DNAAF10: variants seen among roughly 807,000 people sequenced by gnomAD.
The protein encoded by DNAAF10 is dynein axonemal assembly factor 10, also known as WD repeat domain 92.
In DNAAF10, 28 loss-of-function variants were observed where a neutral mutation model predicts 43.7. That is an observed-to-expected ratio of 0.64 (90% CI 0.48 to 0.88). The LOEUF (loss-of-function observed/expected upper bound fraction) is 0.88. Among genes scored for constraint, DNAAF10 ranks in the 40% least tolerant of loss-of-function variants. The pLI is 0.00. For synonymous variants in DNAAF10, 156 were observed against 157.3 expected (o/e 0.99, Z 0.06); for missense variants, 403 against 439.1 (o/e 0.92, Z 0.73).
At chr2:68,131,576 A>C (rs1672932741) in intron 7 of DNAAF10, 131 bp from the exon 8 acceptor site, 2 of 851,000 alleles carry the variant, frequency 2.4e-6, no homozygotes, top group East Asian at 2.7e-5. Flanking sequence ...GAATCTTTCT[A>C]ATACTGAGTT....
intron 6 of DNAAF10, among the ~76,000 whole-genome samples, chr2:68,136,108 C>T (rs1673034969): frequency 6.7e-6 from 1 of 148,912 alleles, no homozygotes; most frequent in Non-Finnish European, 1.5e-5. Context: ...CTCCCAGCTA[C>T]TTGGGAGGCT....
chr2:68,153,154 T>G (rs928636217), intron 1 of DNAAF10, among the ~76,000 whole-genome samples: 1 of 152,140 alleles, frequency 6.6e-6, no homozygotes, highest in Non-Finnish European at 1.5e-5. Context: ...ACTTGAGCAC[T>G]CAGCCAGACA....
At chr2:68,154,070 G>A (rs1673526167) in intron 1 of DNAAF10, among the ~76,000 whole-genome samples, 1 of 151,758 alleles carries the variant, frequency 6.6e-6, no homozygotes, top group Non-Finnish European at 1.5e-5. Context: ...GTTCTTAAAG[G>A]TATTTTTGTA....
intron 3 of DNAAF10, among the ~76,000 whole-genome samples, chr2:68,144,077 C>T (rs1454810326): frequency 6.6e-6 from 1 of 152,152 alleles, no homozygotes; most frequent in Non-Finnish European, 1.5e-5. Context: ...ACTTCGGACA[C>T]CAAAAGACCT....
intron 5 of DNAAF10, 35 bp downstream of exon 5, chr2:68,138,707 T>C (rs752270332): frequency 1.3e-6 from 2 of 1,484,506 alleles, no homozygotes; most frequent in South Asian, 2.3e-5. Flanking sequence ...GGAAACATGC[T>C]CAGAGAAACC....
chr2:68,140,391 C>T (rs1673149321), intron 4 of DNAAF10, among the ~76,000 whole-genome samples: 1 of 152,082 alleles, frequency 6.6e-6, no homozygotes, highest in African/African-American at 2.4e-5. Context: ...TCAATTAATA[C>T]CATCATTCAC....
In DNAAF10 at chr2:68,144,661, A is replaced by C; in HGVS notation, c.339T>G (p.Ile113Met). The change falls in exon 3 of 8, where the codon ATT becomes ATG. Residue 113 changes from isoleucine to methionine, a missense_variant. Ile to Met is a conservative substitution (Grantham distance 10). Coordinates refer to ENST00000295121, the MANE Select transcript of DNAAF10 (RefSeq NM_138458.4). ...CACCTATGCCATCTATGGCATTTAT[A>C]ATTTCTTTATGGCCCTTTACAGAAT... is the stretch of plus-strand genomic sequence containing the variant. The part of the protein sequence containing the change: ...PVYSVKGHKE[I>M]INAIDGIGGL... 6.2e-7 allele frequency: 1 copy of C among 1,613,976 alleles called. No individual in the cohort carries two copies. Among genetic ancestry groups the C allele is most frequent in the Non-Finnish European group, 8.5e-7 (1 of 1,179,994 alleles).
At chr2:68,147,253 C>T (rs1439983201) in intron 2 of DNAAF10, among the ~76,000 whole-genome samples, 1 of 151,812 alleles carries the variant, frequency 6.6e-6, no homozygotes, top group Non-Finnish European at 1.5e-5. Context: ...TAATATTATC[C>T]AAAATATCTA....
chr2:68,157,082 A>T, intron 1 of DNAAF10, 179 bp downstream of exon 1: 1 of 882,776 alleles, frequency 1.1e-6, no homozygotes, highest in Non-Finnish European at 1.7e-6. Flanking sequence ...TACCCCGCGG[A>T]TGAGAAGAAA....
intron 1 of DNAAF10, among the ~76,000 whole-genome samples, chr2:68,149,392 A>G (rs1231696624): frequency 1.3e-5 from 2 of 152,218 alleles, no homozygotes; most frequent in Non-Finnish European, 2.9e-5. Flanking sequence ...GTACAGTAAC[A>G]TGTTTGTAAA....
rs753025167 is a variant in DNAAF10 at position 68,131,318 on chromosome 2, C to G, written c.994G>C (p.Asp332His). 3.7e-6 allele frequency: 6 copies of G among 1,614,026 alleles called. No homozygotes were observed. The highest frequency in any genetic ancestry group is 1.7e-5 in the Admixed American group (1 of 60,006). Residue 332 changes from aspartate to histidine, a missense_variant, in exon 8 of 8, where the codon GAT becomes CAT. Asp to His is a moderately conservative substitution (Grantham distance 81). Transcript: ENST00000295121. ...QPISSLDWSPDKRGLCVCSSF... is the reference protein window; with the variant it reads ...QPISSLDWSPHKRGLCVCSSF... ...CTACAGACGCAGAGACCCCTTTTATCTGGACTCCAATCCAAACTTGAAATG... is the reference window on the plus strand; with the variant it reads ...CTACAGACGCAGAGACCCCTTTTATGTGGACTCCAATCCAAACTTGAAATG...
chr2:68,135,625 G>A (rs1033804543), intron 6 of DNAAF10, among the ~76,000 whole-genome samples: 2 of 152,172 alleles, frequency 1.3e-5, no homozygotes, highest in African/African-American at 2.4e-5. Flanking sequence ...GCTGGCTATC[G>A]TGGTACACCA....
chr2:68,147,370 T>C (rs1673343216), intron 2 of DNAAF10, 97 bp downstream of exon 2: 2 of 903,954 alleles, frequency 2.2e-6, no homozygotes, highest in Non-Finnish European at 3.4e-6. Context: ...CATAGAAAGA[T>C]TTTAAAATTA....
rs370910453 is a variant in DNAAF10 at position 68,144,720 on chromosome 2, A to T, written c.285-5T>A. 6.2e-7 allele frequency: 1 copy of T among 1,607,156 alleles called. No homozygotes were observed. Among genetic ancestry groups the T allele is most frequent in the African/African-American group, 1.3e-5 (1 of 74,324 alleles). ...ATCTCTGGAGCTTCTAAATTCCTAA[A>T]CAACAAACACAGCTTCTTACACCAC... On this transcript the variant is annotated splice_polypyrimidine_tract_variant and splice_region_variant and intron_variant, in intron 2 of 7. Coordinates refer to ENST00000295121, the MANE Select transcript of DNAAF10 (RefSeq NM_138458.4).
chr2:68,139,313 T>C (rs965172283), intron 4 of DNAAF10, among the ~76,000 whole-genome samples: 4 of 152,148 alleles, frequency 2.6e-5, no homozygotes, highest in African/African-American at 9.7e-5. Context: ...TGCTCCCCTT[T>C]TGCCTTCTGC....
chr2:68,139,567 G>T (rs187572406), intron 4 of DNAAF10, among the ~76,000 whole-genome samples: 2 of 150,774 alleles, frequency 1.3e-5, no homozygotes, highest in African/African-American at 4.9e-5. Flanking sequence ...TAAATAAAAT[G>T]CTTTATAGGA....
rs761234823 is a variant in DNAAF10, at chr2:68,157,297, G to A, written c.147C>T (p.Tyr49=). ...FARGTGVIQL[Y]EIQHGDLKLL... ...GCTTCAGGTCCCCGTGCTGGATCTCGTACAGCTGAATGACGCCGGTGCCCC... is the reference window on the plus strand; with the variant it reads ...GCTTCAGGTCCCCGTGCTGGATCTCATACAGCTGAATGACGCCGGTGCCCC... The change falls in exon 1 of 8, where the codon TAC becomes TAT. Residue 49 remains tyrosine (Y), a synonymous_variant. Transcript: ENST00000295121. The A allele has an allele frequency of 5.6e-6, 9 of 1,613,982 alleles. No homozygotes were observed. The highest frequency in any genetic ancestry group is 7.6e-6 in the Non-Finnish European group (9 of 1,180,004).
chr2:68,134,917 G>A (rs1397746605), intron 6 of DNAAF10, 118 bp from the exon 7 acceptor site: 2 of 1,132,796 alleles, frequency 1.8e-6, no homozygotes, highest in Non-Finnish European at 2.5e-6. Flanking sequence ...AGTAATTAAG[G>A]TTATTTTCTG....
Position 68,137,331 on chromosome 2 carries a change from G to A in DNAAF10, c.736C>T (p.Pro246Ser). The change falls in exon 6 of 8, where the codon CCA (proline) becomes TCA (serine). Residue 246 changes from proline to serine, a missense_variant. Physicochemically the swap from Pro to Ser is moderately conservative, Grantham distance 74. Coordinates refer to ENST00000295121, the MANE Select transcript of DNAAF10 (RefSeq NM_138458.4). ...GAAACAGAGGCAAAACCTTTGGTTGGATGCTGTGTTCTCATGTCAAAAACA... is the reference window on the plus strand; with the variant it reads ...GAAACAGAGGCAAAACCTTTGGTTGAATGCTGTGTTCTCATGTCAAAAACA... ...FHVFDMRTQH[P>S]TKGFASVSEK... is the part of the protein sequence containing the mutation. 6.2e-7 allele frequency: 1 copy of A among 1,612,674 alleles called. No homozygotes were observed. Among genetic ancestry groups the A allele is most frequent in the Middle Eastern group, 1.7e-4 (1 of 6,058 alleles).
Sources: gnomAD v4.1 joint callset for allele counts (sites outside exome capture counted in the v4.1 genomes callset) on GRCh38, gnomAD v4.1.1 for gene constraint, MANE v1.5 for transcripts, NCBI Gene and HGNC (gene_info 2026-07-23, HGNC 2026-07-21) for gene names.